Variants in SCN8A observed in about 807,000 individuals in gnomAD.
The protein encoded by SCN8A is sodium channel protein type 8 subunit alpha.
Under a neutral mutation model 184.1 loss-of-function variants are expected in SCN8A, and 30 were observed. That is an observed-to-expected ratio of 0.16 (90% CI 0.12 to 0.22). The LOEUF (loss-of-function observed/expected upper bound fraction) is 0.22, where lower values mean the gene tolerates loss of function less well. Among genes scored for constraint, SCN8A ranks in the 10% least tolerant of loss-of-function variants. The pLI is 1.00. For missense variants in SCN8A, 1,057 were observed against 2,498.9 expected (o/e 0.42, Z 12.30); for synonymous variants, 852 against 907.0 (o/e 0.94, Z 1.09).
intron 12 of SCN8A, among the ~76,000 whole-genome samples, chr12:51,735,182 T>C (rs1942304342): frequency 6.6e-6 from 1 of 152,230 alleles, no homozygotes; most frequent in Non-Finnish European, 1.5e-5. Flanking sequence ...ACTTTTGCCG[T>C]ACTTTTTGGT....
chr12:51,607,206 T>C (rs987303358), intron 1 of SCN8A, among the ~76,000 whole-genome samples: 1 of 152,146 alleles, frequency 6.6e-6, no homozygotes, highest in Non-Finnish European at 1.5e-5. Flanking sequence ...CGGGGTTTAG[T>C]TCTTGATTTG....
chr12:51,698,375 G>C (rs1445350071), intron 6 of SCN8A, among the ~76,000 whole-genome samples: 1 of 152,204 alleles, frequency 6.6e-6, no homozygotes, highest in Admixed American at 6.5e-5. Flanking sequence ...TTGAATTTCA[G>C]TTCAGTGGTC....
intron 2 of SCN8A, among the ~76,000 whole-genome samples, chr12:51,675,080 C>T (rs1941199840): frequency 6.6e-6 from 1 of 152,172 alleles, no homozygotes; most frequent in Non-Finnish European, 1.5e-5. Flanking sequence ...TTTGCTCTTG[C>T]TTAGAGCAAC....
intron 12 of SCN8A, among the ~76,000 whole-genome samples, chr12:51,741,450 A>G (rs1337735442): frequency 6.6e-6 from 1 of 151,710 alleles, no homozygotes; most frequent in Non-Finnish European, 1.5e-5. Flanking sequence ...AGTTTAGTTT[A>G]TTTACATTCA....
intron 1 of SCN8A, among the ~76,000 whole-genome samples, chr12:51,644,044 T>G (rs1317895510): frequency 1.3e-5 from 2 of 152,250 alleles, no homozygotes; most frequent in African/African-American, 4.8e-5. Flanking sequence ...CATAATTATT[T>G]GATGATAGAT....
Position 51,769,096 on chromosome 12 carries a change from A to G in SCN8A, c.3133A>G (p.Ile1045Val), listed in dbSNP as rs1382764131. 3.7e-6 allele frequency: 6 copies of G among 1,613,824 alleles called. No homozygotes were observed. The highest frequency in any genetic ancestry group is 5.1e-6 in the Non-Finnish European group (6 of 1,179,804). Residue 1045 changes from isoleucine to valine, a missense_variant, in exon 17 of 27, where the codon ATC (isoleucine) becomes GTC (valine). Transcript: ENST00000627620. ...DELYEKKANC[I>V]ANHTGADIHR... ...GTTGTATGAAAAGAAGGCCAACTGT[A>G]TCGCCAATCACACCGGTGCAGACAT...
intron 14 of SCN8A, among the ~76,000 whole-genome samples, chr12:51,758,524 G>A (rs1293044079): frequency 9.9e-5 from 15 of 152,086 alleles, no homozygotes; most frequent in African/African-American, 3.4e-4. Context: ...TGCAACCTCC[G>A]TCTCCCAGGT....
rs529555421 is a variant in SCN8A, at chr12:51,670,450, TC to T, written c.276+7358del. On this transcript the variant is annotated intron_variant, in intron 2 of 26. Transcript: ENST00000627620. ...ATTTCTGTAAGAAAAATCCAGGTCA[TC>T]TAATTTGATTGGAATGTGGGGAAGT... Among the ~76,000 whole-genome samples the T allele has an allele frequency of 2.5e-4, 38 of 152,258 alleles. No individual in the cohort carries two copies. The South Asian group carries it at 7.9e-3, about 32-fold the overall frequency.
At chr12:51,779,437 A>T (rs1169334774) in intron 20 of SCN8A, among the ~76,000 whole-genome samples, 1 of 152,160 alleles carries the variant, frequency 6.6e-6, no homozygotes, top group East Asian at 1.9e-4. Context: ...GCAGAGCAGG[A>T]AAGTGTTTGA....
rs2138868545 is a variant in SCN8A at position 51,769,091 on chromosome 12, A to G, written c.3128A>G (p.Asn1043Ser). The change falls in exon 17 of 27, where the codon AAC (asparagine) becomes AGC (serine). Residue 1043 changes from asparagine to serine, a missense_variant. Asn to Ser is a conservative substitution (Grantham distance 46). Around this residue, in one of 19 missense-constraint regions of SCN8A, gnomAD observed 178 missense variants for 259.6 expected, o/e 0.69. Coordinates refer to ENST00000627620, the MANE Select transcript of SCN8A (RefSeq NM_001330260.2). ...GATGAGTTGTATGAAAAGAAGGCCA[A>G]CTGTATCGCCAATCACACCGGTGCA... ...PLDELYEKKA[N>S]CIANHTGADI... 1.2e-6 allele frequency: 2 copies of G among 1,613,830 alleles called. No individual in the cohort carries two copies. The highest frequency in any genetic ancestry group is 2.2e-5 in the East Asian group (1 of 44,880).
chr12:51,597,510 A>C (rs184229424), intron 1 of SCN8A, among the ~76,000 whole-genome samples: 1 of 152,148 alleles, frequency 6.6e-6, no homozygotes, highest in Non-Finnish European at 1.5e-5. Flanking sequence ...TTTTTCCTCC[A>C]TTATGAGCAC....
chr12:51,765,012 G>A (rs946877432), intron 15 of SCN8A, among the ~76,000 whole-genome samples: 2 of 151,976 alleles, frequency 1.3e-5, no homozygotes, highest in African/African-American at 2.4e-5. Context: ...CTGGCCTCAA[G>A]TCATCTGCCT....
intron 20 of SCN8A, among the ~76,000 whole-genome samples, chr12:51,779,440 GTGTT>G (rs562133990): frequency 2.0e-5 from 3 of 152,290 alleles, no homozygotes; most frequent in Admixed American, 6.5e-5. Flanking sequence ...GAGCAGGAAA[GTGTT>G]TGACCATACG....
At chr12:51,623,216 C>G (rs1050195204) in intron 1 of SCN8A, among the ~76,000 whole-genome samples, 1 of 152,128 alleles carries the variant, frequency 6.6e-6, no homozygotes, top group Non-Finnish European at 1.5e-5. Flanking sequence ...GCTAGTAGGC[C>G]CTCTCAGTGA....
In SCN8A at chr12:51,712,427, C is replaced by G. The variant is rs540536284; in HGVS notation, c.1635+5712C>G. Reference sequence around the variant, plus strand: ...CTTTCCTGACAGCTCCTCGCGCTCTCTCCTGCTGAGAACTGTAGCCCTTTT... The same window carrying G: ...CTTTCCTGACAGCTCCTCGCGCTCTGTCCTGCTGAGAACTGTAGCCCTTTT... On this transcript the variant is annotated intron_variant, in intron 11 of 26. Coordinates refer to ENST00000627620, the MANE Select transcript of SCN8A (RefSeq NM_001330260.2). 5.4e-4 allele frequency: 409 copies of G among 763,774 alleles called. 5 individuals carry two copies. Among genetic ancestry groups the G allele is most frequent in the Middle Eastern group, 4.1e-3 (18 of 4,418 alleles). 47.3% of individuals were successfully genotyped at this position (763,774 alleles called of 1,614,324 possible).
At chr12:51,700,509 A>G (rs1044850112) in intron 7 of SCN8A, among the ~76,000 whole-genome samples, 6 of 152,250 alleles carry the variant, frequency 3.9e-5, no homozygotes, top group Non-Finnish European at 7.3e-5. Context: ...TCTTTAAGGC[A>G]CTATTCAATC....
At chr12:51,594,745 T>C (rs1565851382) in intron 1 of SCN8A, among the ~76,000 whole-genome samples, 1 of 152,208 alleles carries the variant, frequency 6.6e-6, no homozygotes, top group Non-Finnish European at 1.5e-5. Context: ...TCTTTGCTTC[T>C]ACCATAAGCA....
At chr12:51,655,142 G>T (rs982393341) in intron 1 of SCN8A, among the ~76,000 whole-genome samples, 1 of 152,094 alleles carries the variant, frequency 6.6e-6, no homozygotes, top group Non-Finnish European at 1.5e-5. Flanking sequence ...CAAATGATCT[G>T]CCTGGCTCAG....
chr12:51,802,805 A>G (rs1938592034), intron 26 of SCN8A, among the ~76,000 whole-genome samples: 1 of 152,218 alleles, frequency 6.6e-6, no homozygotes, highest in African/African-American at 2.4e-5. Context: ...ATCAAATGCC[A>G]TCTATTTTGC....
Sources: gnomAD v4.1 joint callset for allele counts (sites outside exome capture counted in the v4.1 genomes callset) on GRCh38, gnomAD v4.1.1 for gene constraint, gnomAD v4.1.1 regional missense constraint, MANE v1.5 for transcripts, NCBI Gene and HGNC (gene_info 2026-07-23, HGNC 2026-07-21) for gene names.